The following SMARCA1 variants were observed in gnomAD, a reference collection of about 807,000 sequenced individuals.
SMARCA1 encodes SWI/SNF-related matrix-associated actin-dependent regulator of chromatin subfamily A member 1.
A neutral mutation model predicts 93.6 loss-of-function variants in SMARCA1; 17 were observed. The ratio of observed to expected loss-of-function variants is 0.18; its 90% CI spans 0.12 to 0.27. The LOEUF (loss-of-function observed/expected upper bound fraction) is 0.27, where lower values mean the gene tolerates loss of function less well. Among genes scored for constraint, SMARCA1 ranks in the 10% least tolerant of loss-of-function variants. The pLI, the probability that SMARCA1 is intolerant of heterozygous loss-of-function variation, is 1.00. For synonymous variants in SMARCA1, 271 were observed against 271.4 expected (o/e 1.00, Z 0.01); for missense variants, 630 against 819.0 (o/e 0.77, Z 2.82).
At position 129,523,229 on chromosome X, in the gene SMARCA1, C is replaced by T. The variant is rs759684524; in HGVS notation, c.142G>A (p.Ala48Thr). 7.4e-6 allele frequency: 9 copies of T among 1,209,432 alleles called. No homozygotes were observed. The highest frequency in any genetic ancestry group is 5.9e-5 in the East Asian group (2 of 33,694). Residue 48 changes from alanine to threonine, a missense_variant, in exon 1 of 25, where the codon GCG becomes ACG. This residue lies in a region of SMARCA1 where 103 missense variants were observed against 82.0 expected (regional missense o/e 1.26). Coordinates refer to ENST00000371121, the MANE Select transcript of SMARCA1 (RefSeq NM_001282874.2). ...GAAAAATEAT[A>T]ATEKGEKKKE... The stretch of plus-strand genomic sequence containing the variant: ...TTCTTCTCGCCCTTCTCCGTGGCCG[C>T]GGTGGCTTCGGTGGCCGCGGCGGCC...
chrX:129,509,738 T>C (rs1469584581), intron 6 of SMARCA1, among the ~76,000 whole-genome samples: 1 of 111,685 alleles, frequency 9.0e-6, no homozygotes. Flanking sequence ...CACTCAACCC[T>C]ACACAATCAG....
chrX:129,484,586 G>A (rs189692332), intron 17 of SMARCA1, among the ~76,000 whole-genome samples: 6 of 111,481 alleles, frequency 5.4e-5, no homozygotes, highest in African/African-American at 2.0e-4. Flanking sequence ...ATTTCTGTCA[G>A]TTCAAAAATA....
At chrX:129,462,611 G>A (rs1426199221) in intron 23 of SMARCA1, among the ~76,000 whole-genome samples, 1 of 110,859 alleles carries the variant, frequency 9.0e-6, no homozygotes, top group Non-Finnish European at 1.9e-5. Flanking sequence ...AATTTAATAC[G>A]ATAGAAAAAG....
At chrX:129,488,870 T>C in intron 16 of SMARCA1, 67 bp downstream of exon 16, 1 of 672,648 alleles carries the variant, frequency 1.5e-6, no homozygotes, top group Non-Finnish European at 2.3e-6. Context: ...AATGAAAATA[T>C]AAGTATGCTG....
At position 129,490,179 on chromosome X, in the gene SMARCA1, C is replaced by T; in HGVS notation, c.1829G>A (p.Arg610His). The T allele has an allele frequency of 1.7e-6, 2 of 1,188,512 alleles. No individual in the cohort carries two copies. The highest frequency in any genetic ancestry group is 2.3e-6 in the Non-Finnish European group (2 of 879,239). Residue 610 changes from arginine (R) to histidine (H), a missense_variant, in exon 15 of 25, where the codon CGT (arginine) becomes CAT (histidine). By Grantham distance (29) the Arg-to-His change is conservative. Around this residue, in one of 4 missense-constraint regions of SMARCA1, gnomAD observed 382 missense variants for 537.9 expected, o/e 0.71. Transcript: ENST00000371121. ...VDLQAMDRAH[R>H]IGQKKPVRVF... is the part of the protein sequence containing the mutation. ...ACGTACTGGTTTCTTCTGACCAATA[C>T]GATGTGCTCGATCCTAGTAGAAAGA...
rs187713788 is a variant in SMARCA1 at position 129,486,571 on chromosome X, T to C, written c.2217+447A>G. 8.1e-5 allele frequency among the ~76,000 whole-genome samples: 9 copies of C among 111,593 alleles called. No individual in the cohort carries two copies. In the East Asian group the frequency reaches 2.3e-3, roughly 28 times the overall value. On this transcript the variant is annotated intron_variant, in intron 17 of 24. Coordinates refer to ENST00000371121, the MANE Select transcript of SMARCA1 (RefSeq NM_001282874.2). The stretch of plus-strand genomic sequence containing the variant: ...CATTAAGTGTCAGGCATTATTCTAA[T>C]AACTTTATGAGTATTAACTCATTTC...
At chrX:129,515,622 GTTTTTCAAAT>G in intron 5 of SMARCA1, 55 bp downstream of exon 5, 1 of 810,139 alleles carries the variant, frequency 1.2e-6, no homozygotes, top group Non-Finnish European at 1.9e-6. Context: ...GTAAGCTCAG[GTTTTTCAAAT>G]TTACATAAAA....
At chrX:129,507,507 T>C (rs755428526) in intron 7 of SMARCA1, among the ~76,000 whole-genome samples, 10 of 113,004 alleles carry the variant, frequency 8.8e-5, no homozygotes, top group African/African-American at 2.9e-4. Context: ...ATGTGTCTTG[T>C]ATTCAATAAT....
At chrX:129,464,482 A>G (rs749786696) in intron 23 of SMARCA1, among the ~76,000 whole-genome samples, 7 of 112,615 alleles carry the variant, frequency 6.2e-5, no homozygotes, top group Non-Finnish European at 1.3e-4. Flanking sequence ...AATGTGTTGC[A>G]TGTATTTCAA....
chrX:129,457,171 T>C (rs1047008560), intron 23 of SMARCA1, among the ~76,000 whole-genome samples: 1 of 112,477 alleles, frequency 8.9e-6, no homozygotes, highest in African/African-American at 3.2e-5. Context: ...AGATTACAAC[T>C]TGCTAAAGGC....
At chrX:129,508,897 T>G (rs1170831567) in intron 6 of SMARCA1, among the ~76,000 whole-genome samples, 1 of 111,975 alleles carries the variant, frequency 8.9e-6, no homozygotes, top group East Asian at 2.8e-4. Context: ...TGATTAGTAT[T>G]ATAAATCTAG....
rs1017672756 is a variant in SMARCA1 at position 129,446,906 on chromosome X, A to G, written c.*256T>C. 7.6e-6 allele frequency: 2 copies of G among 263,944 alleles called. No homozygotes were observed. The highest frequency in any genetic ancestry group is 5.7e-5 in the African/African-American group (2 of 35,090). The allele number at this position is 263,944 out of a possible 1,213,427, so 21.8% of individuals were successfully genotyped here. On this transcript the variant is annotated 3_prime_UTR_variant, in exon 25 of 25. Transcript: ENST00000371121. ...AGCTAAAACCTCAGCACAAGCTTCA[A>G]AAGAACAAGGACTGAGAGGATTTTG... is the stretch of plus-strand genomic sequence containing the variant.
Position 129,511,787 on chromosome X carries a change from A to G in SMARCA1, c.810+17T>C, listed in dbSNP as rs1177134196. The stretch of plus-strand genomic sequence containing the variant: ...ATATTATTCTTAACTGCCTTTTTAC[A>G]CTTGTTTCTCACTTACTCTGGCATC... On this transcript the variant is annotated intron_variant, in intron 6 of 24. Coordinates refer to ENST00000371121, the MANE Select transcript of SMARCA1 (RefSeq NM_001282874.2). The G allele has an allele frequency of 8.6e-7, 1 of 1,159,679 alleles. No homozygotes were observed. The highest frequency in any genetic ancestry group is 1.2e-6 in the Non-Finnish European group (1 of 859,885).
chrX:129,449,504 C>T (rs1932176508), intron 23 of SMARCA1, among the ~76,000 whole-genome samples: 1 of 111,886 alleles, frequency 8.9e-6, no homozygotes, highest in Non-Finnish European at 1.9e-5. Flanking sequence ...TTAACCTTGC[C>T]ACTACCTATA....
intron 12 of SMARCA1, 115 bp from the exon 13 acceptor site, chrX:129,493,190 G>C (rs763575153): frequency 3.7e-4 from 120 of 323,923 alleles, no homozygotes; most frequent in Non-Finnish European, 6.3e-4. Flanking sequence ...ATAGGGGGAT[G>C]AATTACTTAT....
At chrX:129,504,573 A>AAC (rs1934729553) in intron 9 of SMARCA1, among the ~76,000 whole-genome samples, 161 bp downstream of exon 9, 1 of 99,994 alleles carries the variant, frequency 1.0e-5, no homozygotes, top group East Asian at 3.0e-4. Flanking sequence ...AAAAAAAAAA[A>AAC]AAAAAAAACA....
rs140963740 is a variant in SMARCA1 at position 129,481,093 on chromosome X, G to A, written c.2310C>T (p.Ser770=). The A allele has an allele frequency of 1.3e-5, 15 of 1,195,319 alleles. No individual in the cohort carries two copies. The highest frequency in any genetic ancestry group is 6.0e-5 in the East Asian group (2 of 33,607). Residue 770 remains serine (S), a synonymous_variant, in exon 18 of 25, where the codon AGC becomes AGT. Coordinates refer to ENST00000371121, the MANE Select transcript of SMARCA1 (RefSeq NM_001282874.2). ...GTTTTACCTTTGGAATCTTTGGCTC[G>A]CTGACACGCAAAGCCTCTCTAAAGT... is the stretch of plus-strand genomic sequence containing the variant. ...DAYFREALRV[S]EPKIPKAPRP...
Position 129,523,430 on chromosome X carries a change from G to C in SMARCA1, c.-60C>G. 1.0e-6 allele frequency: 1 copy of C among 986,773 alleles called. No homozygotes were observed. The highest frequency in any genetic ancestry group is 1.4e-6 in the Non-Finnish European group (1 of 731,359). The allele number at this position is 986,773 out of a possible 1,213,427, so 81.3% of individuals were successfully genotyped here. ...AGGGGACGAGGGCTCCTGGGCGGCG[G>C]CAGTGGCTGCACTGGAAAGAGCTAG... On this transcript the variant is annotated 5_prime_UTR_variant, in exon 1 of 25. Transcript: ENST00000371121.
At position 129,447,199 on chromosome X, in the gene SMARCA1, C is replaced by T. The variant is rs1328711048; in HGVS notation, c.3176G>A (p.Ser1059Asn). Residue 1059 changes from serine (S) to asparagine (N), a missense_variant, in exon 25 of 25, where the codon AGC becomes AAC. This residue lies in a region of SMARCA1 where 93 missense variants were observed against 160.8 expected (regional missense o/e 0.58). Coordinates refer to ENST00000371121, the MANE Select transcript of SMARCA1 (RefSeq NM_001282874.2). ...QKRKAESATE[S>N]SGKKDVKKVK... is the part of the protein sequence containing the mutation. ...CTTCTTGACATCCTTCTTTCCAGAGCTCTCAGTAGCTGACTCTGCTTTTCT... is the reference window on the plus strand; with the variant it reads ...CTTCTTGACATCCTTCTTTCCAGAGTTCTCAGTAGCTGACTCTGCTTTTCT... The T allele has an allele frequency of 7.9e-6, 9 of 1,141,469 alleles. No homozygotes were observed. In the East Asian group the frequency reaches 1.6e-4, roughly 21 times the overall value. The allele number at this position is 1,141,469 out of a possible 1,213,427, so 94.1% of individuals were successfully genotyped here.
Sources: gnomAD v4.1 joint callset for allele counts (sites outside exome capture counted in the v4.1 genomes callset) on GRCh38, gnomAD v4.1.1 for gene constraint, gnomAD v4.1.1 regional missense constraint, MANE v1.5 for transcripts, NCBI Gene and HGNC (gene_info 2026-07-23, HGNC 2026-07-21) for gene names.